The following LMO7 variants were observed in gnomAD, a reference collection of about 807,000 sequenced individuals.
The protein encoded by LMO7 is LIM domain only protein 7.
Under a neutral mutation model 206.5 loss-of-function variants are expected in LMO7, and 120 were observed. The observed-to-expected ratio is 0.58, with a 90% CI of 0.50 to 0.68. LMO7 has a LOEUF of 0.68. Ranked by LOEUF, LMO7 falls within the 30% of genes least tolerant of loss-of-function variation. The pLI, the probability that LMO7 is intolerant of heterozygous loss-of-function variation, is 0.00. For synonymous variants in LMO7, 706 were observed against 681.5 expected, an observed-to-expected ratio of 1.04 and a Z score of -0.56; for missense variants, 1,959 against 1,957.9, an observed-to-expected ratio of 1.00 and a Z score of -0.01.
intron 4 of LMO7, among the ~76,000 whole-genome samples, chr13:75,762,106 T>A (rs1341510599): frequency 6.6e-6 from 1 of 152,190 alleles, no homozygotes; most frequent in Non-Finnish European, 1.5e-5. Context: ...TTCCAAAGTC[T>A]AACAATATAT....
chr13:75,841,216 T>G lies in LMO7; in HGVS notation c.3675+15T>G. 6.5e-7 allele frequency: 1 copy of G among 1,541,924 alleles called. No homozygotes were observed. The highest frequency in any genetic ancestry group is 8.9e-7 in the Non-Finnish European group (1 of 1,120,424). On this transcript the variant is annotated intron_variant, in intron 23 of 30. Coordinates refer to ENST00000377534, the MANE Select transcript of LMO7 (RefSeq NM_001306080.2). ...ACTTGGATGAGGTAGTGTTAGAACA[T>G]GCCTGTTTAGTTTTTCTTCTCTTTA...
Position 75,781,590 on chromosome 13 carries a change from A to G in LMO7, c.318-13811A>G, listed in dbSNP as rs978014192. Reference sequence around the variant, plus strand: ...GTGAATAGTGCCGCAATAAACATACATGTGCATGTGTCTTTATAGCAGCAT... The same window carrying G: ...GTGAATAGTGCCGCAATAAACATACGTGTGCATGTGTCTTTATAGCAGCAT... On this transcript the variant is annotated intron_variant, in intron 4 of 30. Transcript: ENST00000377534. Among the ~76,000 whole-genome samples the G allele has an allele frequency of 1.4e-3, 216 of 152,008 alleles. 4 individuals are homozygous for G. The South Asian group carries it at 0.039, about 27-fold the overall frequency.
At chr13:75,674,455 T>C (rs2039846564) in intron 1 of LMO7, among the ~76,000 whole-genome samples, 1 of 152,244 alleles carries the variant, frequency 6.6e-6, no homozygotes, top group African/African-American at 2.4e-5. Flanking sequence ...TTGTGAGCTG[T>C]CAAGAAAATT....
intron 1 of LMO7, among the ~76,000 whole-genome samples, chr13:75,695,088 A>G (rs778355632): frequency 4.6e-5 from 7 of 152,058 alleles, no homozygotes; most frequent in Non-Finnish European, 5.9e-5. Flanking sequence ...AGGATCTTCA[A>G]TTTGTTATGT....
intron 1 of LMO7, among the ~76,000 whole-genome samples, chr13:75,692,033 A>G (rs766604940): frequency 6.6e-6 from 1 of 152,158 alleles, no homozygotes; most frequent in Non-Finnish European, 1.5e-5. Flanking sequence ...TTAAATCCCA[A>G]TATCTTACCT....
intron 3 of LMO7, among the ~76,000 whole-genome samples, chr13:75,730,576 C>G (rs1036254884): frequency 6.6e-6 from 1 of 150,400 alleles, no homozygotes; most frequent in Non-Finnish European, 1.5e-5. Flanking sequence ...TTTCAAAAAA[C>G]CAGCTCCTGG....
chr13:75,842,991 T>C, intron 25 of LMO7, 75 bp downstream of exon 25: 5 of 920,046 alleles, frequency 5.4e-6, no homozygotes, highest in Non-Finnish European at 8.9e-6. Flanking sequence ...GCATCGATGA[T>C]TTGTAGAACT....
chr13:75,809,744 C>T (rs1566513824), intron 11 of LMO7, among the ~76,000 whole-genome samples: 1 of 151,600 alleles, frequency 6.6e-6, no homozygotes, highest in Non-Finnish European at 1.5e-5. Flanking sequence ...AAAGTTATAA[C>T]ATGGCTATAT....
chr13:75,648,839 A>G (rs2037289132), intron 1 of LMO7, among the ~76,000 whole-genome samples: 1 of 152,174 alleles, frequency 6.6e-6, no homozygotes, highest in Non-Finnish European at 1.5e-5. Flanking sequence ...CTCCTGTTTT[A>G]CTTGGTGTGA....
At chr13:75,803,658 TA>T (rs1669470491) in intron 7 of LMO7, among the ~76,000 whole-genome samples, 1 of 152,240 alleles carries the variant, frequency 6.6e-6, no homozygotes, top group Admixed American at 6.5e-5. Context: ...GTTCCCAATA[TA>T]ATTTCCATGG....
intron 2 of LMO7, among the ~76,000 whole-genome samples, chr13:75,629,441 G>A (rs557803396): frequency 3.3e-4 from 50 of 152,266 alleles, no homozygotes; most frequent in African/African-American, 1.1e-3. Context: ...GCCTCACCTC[G>A]CTCAGGAGGA....
At chr13:75,620,859 TC>T (rs1206513155) in exon 1 of LMO7, 9 of 152,288 alleles carry the variant, frequency 5.9e-5, no homozygotes, top group African/African-American at 1.9e-4. Flanking sequence ...ATTTCTGTGT[TC>T]TCACAGTGCT....
chr13:75,657,544 T>TC (rs35426932), intron 1 of LMO7, among the ~76,000 whole-genome samples: 9,409 of 152,166 alleles, frequency 0.062, 383 homozygotes, highest in Middle Eastern at 0.099. Flanking sequence ...GATAATATGA[T>TC]CCAGATCCCT....
chr13:75,807,841 C>G lies in LMO7; in HGVS notation c.1558C>G (p.Arg520Gly), dbSNP rs758569680. ...TTTGGAAAAAGATGATATGATTGTT[C>G]GCCGAATTCCAGCACAGAAGAAAGA... ...PDLEKDDMIVRRIPAQKKEVP... is the reference protein window; with the variant it reads ...PDLEKDDMIVGRIPAQKKEVP... The change falls in exon 10 of 31, where the codon CGC becomes GGC. Residue 520 changes from arginine (R) to glycine (G), a missense_variant. Arg to Gly is a moderately radical substitution (Grantham distance 125, BLOSUM62 -2). Coordinates refer to ENST00000377534, the MANE Select transcript of LMO7 (RefSeq NM_001306080.2). 6 of 1,613,682 alleles carry G rather than the reference C, an allele frequency of 3.7e-6. No individual in the cohort carries two copies. The African/African-American group carries it at 6.7e-5, about 18-fold the overall frequency.
intron 4 of LMO7, 77 bp downstream of exon 4, chr13:75,761,115 T>C (rs778732291): frequency 9.0e-6 from 8 of 893,378 alleles, no homozygotes; most frequent in African/African-American, 3.4e-5. Flanking sequence ...AAAGAATTGC[T>C]GAGAGTTCAT....
chr13:75,732,613 C>A (rs2045362235), intron 3 of LMO7, among the ~76,000 whole-genome samples: 1 of 152,224 alleles, frequency 6.6e-6, no homozygotes, highest in Non-Finnish European at 1.5e-5. Context: ...CTGAAGCCTT[C>A]TTCTCTCAAC....
Position 75,690,366 on chromosome 13 carries a change from G to A in LMO7, c.70-22816G>A, listed in dbSNP as rs1223618229. On this transcript the variant is annotated intron_variant, in intron 1 of 30. Coordinates refer to ENST00000377534, the MANE Select transcript of LMO7 (RefSeq NM_001306080.2). ...CTGCCTACACTAGGCTTTCCGGGAG[G>A]CCTGCCCAAAATGTCACCAGGACCC... Among the ~76,000 whole-genome samples, 3 of 152,152 alleles carry A rather than the reference G, an allele frequency of 2.0e-5. No individual in the cohort carries two copies. The East Asian group carries it at 5.8e-4, about 29-fold the overall frequency.
At chr13:75,630,721 GT>G (rs2034810098) in intron 2 of LMO7, among the ~76,000 whole-genome samples, 3 of 152,132 alleles carry the variant, frequency 2.0e-5, no homozygotes, top group African/African-American at 4.8e-5. Flanking sequence ...GTTCAGTGAT[GT>G]TTTTCCCAAA....
intron 4 of LMO7, among the ~76,000 whole-genome samples, chr13:75,794,204 A>G (rs557436887): frequency 7.9e-5 from 12 of 152,320 alleles, no homozygotes; most frequent in African/African-American, 2.2e-4. Context: ...TAGAATATCA[A>G]TGTATTTAGC....
Sources: gnomAD v4.1 joint callset for allele counts (sites outside exome capture counted in the v4.1 genomes callset) on GRCh38, gnomAD v4.1.1 for gene constraint, MANE v1.5 for transcripts, NCBI Gene and HGNC (gene_info 2026-07-23, HGNC 2026-07-21) for gene names.